Variants in HSF4 observed in about 807,000 individuals in gnomAD.
The protein encoded by HSF4 is heat shock transcription factor 4, also known as heat shock factor protein 4.
Under a neutral mutation model 52.0 loss-of-function variants are expected in HSF4, and 41 were observed. The ratio of observed to expected loss-of-function variants is 0.79; its 90% CI spans 0.61 to 1.02. The LOEUF is 1.02. Among genes scored for constraint, HSF4 ranks in the 50% least tolerant of loss-of-function variants. The pLI is 0.00. For missense variants in HSF4, 610 were observed against 651.1 expected, an observed-to-expected ratio of 0.94 and a Z score of 0.69; for synonymous variants, 285 against 273.0, an observed-to-expected ratio of 1.04 and a Z score of -0.43.
rs750531128 is a variant in HSF4, at chr16:67,165,495, A to C, written c.124-27A>C. On this transcript the variant is annotated intron_variant, in intron 1 of 12. Transcript: ENST00000521374. This position sits in a 1 kb window ranked among gnomAD's most constrained non-coding sequence, Gnocchi z 6.9. Reference sequence around the variant, plus strand: ...GCTCACCCTCCTGGTCTCCGCCCGCACGGTGGGCGGGCGGCGTTCTTGGTA... The same window carrying C: ...GCTCACCCTCCTGGTCTCCGCCCGCCCGGTGGGCGGGCGGCGTTCTTGGTA... 1 of 1,594,888 alleles carries C rather than the reference A, an allele frequency of 6.3e-7. No individual in the cohort carries two copies. Among genetic ancestry groups the C allele is most frequent in the South Asian group, 1.1e-5 (1 of 90,746 alleles).
At position 67,165,563 on chromosome 16, in the gene HSF4, C is replaced by A; in HGVS notation, c.165C>A (p.Ala55=). 1 of 1,613,324 alleles carries A rather than the reference C, an allele frequency of 6.2e-7. No homozygotes were observed. The highest frequency in any genetic ancestry group is 8.5e-7 in the Non-Finnish European group (1 of 1,179,924). ...SFLVSDQSRF[A]KEVLPQYFKH... The stretch of plus-strand genomic sequence containing the variant: ...TCGTAAGCGACCAGAGCCGTTTCGC[C>A]AAGGAAGTGCTGCCCCAGTATTTCA... The change falls in exon 2 of 13, where the codon GCC becomes GCA. Residue 55 remains alanine, a synonymous_variant. Coordinates refer to ENST00000521374, the MANE Select transcript of HSF4 (RefSeq NM_001374675.1). The surrounding 1 kb of genome is among the most constrained non-coding windows in gnomAD (Gnocchi z 6.9).
chr16:67,165,370 T>G lies in HSF4; in HGVS notation c.124-152T>G. 1 of 729,952 alleles carries G rather than the reference T, an allele frequency of 1.4e-6. No homozygotes were observed. Among genetic ancestry groups the G allele is most frequent in the East Asian group, 2.7e-5 (1 of 37,548 alleles). The allele number at this position is 729,952 out of a possible 1,614,324, so 45.2% of individuals were successfully genotyped here. On this transcript the variant is annotated intron_variant, in intron 1 of 12. Coordinates refer to ENST00000521374, the MANE Select transcript of HSF4 (RefSeq NM_001374675.1). This position sits in a 1 kb window ranked among gnomAD's most constrained non-coding sequence, Gnocchi z 6.9. ...CTAGGCCTCGGAGCCCGTTCTGGCC[T>G]GGCCTCGACCCATATCCCCGTAAGC...
chr16:67,164,922 C>T lies in HSF4; in HGVS notation c.111C>T (p.Ile37=). ...GGGACCCAGGCACAGACCACCTGATCCGCTGGAGCCCGGTGAGGGCCGGGG... is the reference window on the plus strand; with the variant it reads ...GGGACCCAGGCACAGACCACCTGATTCGCTGGAGCCCGGTGAGGGCCGGGG... The part of the protein sequence containing the change: ...LVGDPGTDHL[I]RWSPSGTSFL... Residue 37 remains isoleucine (I), a synonymous_variant, in exon 1 of 13, where the codon ATC becomes ATT. Coordinates refer to ENST00000521374, the MANE Select transcript of HSF4 (RefSeq NM_001374675.1). The T allele has an allele frequency of 6.2e-7, 1 of 1,606,438 alleles. No individual in the cohort carries two copies. The highest frequency in any genetic ancestry group is 8.5e-7 in the Non-Finnish European group (1 of 1,178,600).
intron 9 of HSF4, among the ~76,000 whole-genome samples, chr16:67,168,498 AAGAGAG>A (rs370083477): frequency 2.0e-5 from 3 of 150,964 alleles, no homozygotes; most frequent in African/African-American, 4.9e-5. Flanking sequence ...GAAAGAAGGA[AAGAGAG>A]AGAGAGAGAG....
In HSF4 at chr16:67,165,966, C is replaced by G. The variant is rs2031250693; in HGVS notation, c.381C>G (p.Asp127Glu). ...VRRKVPALRG[D>E]DGRWRPEDLG... The stretch of plus-strand genomic sequence containing the variant: ...TGCAGGTGCCCGCGCTGCGCGGCGA[C>G]GACGGCCGCTGGCGCCCGGAGGACC... The change falls in exon 4 of 13, where the codon GAC becomes GAG. Residue 127 changes from aspartate to glutamate, a missense_variant. Transcript: ENST00000521374. The surrounding 1 kb of genome is among the most constrained non-coding windows in gnomAD (Gnocchi z 6.9). 1.9e-6 allele frequency: 3 copies of G among 1,563,260 alleles called. No individual in the cohort carries two copies. The African/African-American group carries it at 4.1e-5, about 21-fold the overall frequency.
In HSF4 at chr16:67,168,944, C is replaced by A; in HGVS notation, c.1188+8C>A. ...CCTGCAGGGCCTCTAGATGTGAGTA[C>A]CCCTTCTGCTGAAACAGGGGCATGA... On this transcript the variant is annotated splice_region_variant and intron_variant, in intron 10 of 12. Coordinates refer to ENST00000521374, the MANE Select transcript of HSF4 (RefSeq NM_001374675.1). 6.2e-7 allele frequency: 1 copy of A among 1,613,352 alleles called. No homozygotes were observed. Among genetic ancestry groups the A allele is most frequent in the Non-Finnish European group, 8.5e-7 (1 of 1,179,376 alleles).
At chr16:67,166,157 C>T (rs959920230) in intron 4 of HSF4, 87 bp downstream of exon 4, 10 of 1,434,926 alleles carry the variant, frequency 7.0e-6, no homozygotes, top group East Asian at 5.0e-5. Context: ...CTGGGCAGCC[C>T]CTTCCTCTCT....
chr16:67,164,804 A>G lies in HSF4; in HGVS notation c.-8A>G, dbSNP rs2031119251. The G allele has an allele frequency of 1.3e-6, 2 of 1,596,482 alleles. No homozygotes were observed. The highest frequency in any genetic ancestry group is 4.5e-5 in the East Asian group (2 of 44,674). On this transcript the variant is annotated 5_prime_UTR_variant, in exon 1 of 13. Transcript: ENST00000521374. ...GGCCCGAGCGCAGAGCCGGGCCGAG[A>G]CTGCACCATGCAGGAAGCGCCAGCT...
chr16:67,168,004 C>CACAAAGCTTCCTAGCCA, intron 9 of HSF4, 57 bp downstream of exon 9: 1 of 1,353,528 alleles, frequency 7.4e-7, no homozygotes, highest in Non-Finnish European at 1.0e-6. Flanking sequence ...CTTACCAGCC[C>CACAAAGCTTCCTAGCCA]ACAAAGCTTC....
In HSF4 at chr16:67,164,808, C is replaced by T; in HGVS notation, c.-4C>T. On this transcript the variant is annotated 5_prime_UTR_variant, in exon 1 of 13. Coordinates refer to ENST00000521374, the MANE Select transcript of HSF4 (RefSeq NM_001374675.1). ...CGAGCGCAGAGCCGGGCCGAGACTG[C>T]ACCATGCAGGAAGCGCCAGCTGCGC... 6.3e-7 allele frequency: 1 copy of T among 1,597,628 alleles called. No homozygotes were observed. The highest frequency in any genetic ancestry group is 1.1e-5 in the South Asian group (1 of 90,426).
chr16:67,163,785 G>C (rs147591659), upstream of HSF4: 43 of 1,567,916 alleles, frequency 2.7e-5, 1 homozygote, highest in African/African-American at 5.0e-4. Flanking sequence ...GCTCACGCGC[G>C]AGCCGCATCC....
In HSF4 at chr16:67,169,382, G is replaced by A. The variant is rs765868280; in HGVS notation, c.1324+34G>A. On this transcript the variant is annotated intron_variant, in intron 12 of 12. Coordinates refer to ENST00000521374, the MANE Select transcript of HSF4 (RefSeq NM_001374675.1). This position sits in a 1 kb window ranked among gnomAD's most constrained non-coding sequence, Gnocchi z 4.3. ...TGTGATGACTCCTACCTGGGAGGAC[G>A]CCGTGATTGGGCTGAGCTACCTTGA... 10 of 1,602,618 alleles carry A rather than the reference G, an allele frequency of 6.2e-6. No homozygotes were observed. Among genetic ancestry groups the A allele is most frequent in the South Asian group, 1.1e-5 (1 of 89,538 alleles).
rs945143094 is a variant in HSF4, at chr16:67,169,590, G to C, written c.1325-41G>C. ...GCTCTCCTTCCCTGAAGAAAGGAGG[G>C]GGAACATTTCCCCTGGTGAGCGCAG... On this transcript the variant is annotated intron_variant, in intron 12 of 12. Transcript: ENST00000521374. The surrounding 1 kb of genome is among the most constrained non-coding windows in gnomAD (Gnocchi z 4.3). 41 of 1,601,278 alleles carry C rather than the reference G, an allele frequency of 2.6e-5. No homozygotes were observed. Among genetic ancestry groups the C allele is most frequent in the Non-Finnish European group, 3.2e-5 (38 of 1,179,842 alleles).
Position 67,168,945 on chromosome 16 carries a change from C to T in HSF4, c.1188+9C>T. On this transcript the variant is annotated intron_variant, in intron 10 of 12. Coordinates refer to ENST00000521374, the MANE Select transcript of HSF4 (RefSeq NM_001374675.1). Reference sequence around the variant, plus strand: ...CTGCAGGGCCTCTAGATGTGAGTACCCCTTCTGCTGAAACAGGGGCATGAG... The same window carrying T: ...CTGCAGGGCCTCTAGATGTGAGTACTCCTTCTGCTGAAACAGGGGCATGAG... 3 of 1,613,518 alleles carry T rather than the reference C, an allele frequency of 1.9e-6. No individual in the cohort carries two copies.
At chr16:67,166,177 G>A in intron 4 of HSF4, 107 bp downstream of exon 4, 2 of 1,400,296 alleles carry the variant, frequency 1.4e-6, no homozygotes, top group Non-Finnish European at 2.0e-6. Context: ...TCCTGCCTTG[G>A]CGCCTCCATC....
Position 67,166,634 on chromosome 16 carries a change from A to G in HSF4, c.626+12A>G, listed in dbSNP as rs1211880124. The G allele has an allele frequency of 3.1e-6, 5 of 1,613,130 alleles. No homozygotes were observed. In the South Asian group the frequency reaches 5.5e-5, roughly 18 times the overall value. On this transcript the variant is annotated intron_variant, in intron 6 of 12. Coordinates refer to ENST00000521374, the MANE Select transcript of HSF4 (RefSeq NM_001374675.1). Reference sequence around the variant, plus strand: ...GGCAAGAGAAAGCTGTGAGTGAGAAAGCCAAGAAGGCCCACACCCACTTCC... The same window carrying G: ...GGCAAGAGAAAGCTGTGAGTGAGAAGGCCAAGAAGGCCCACACCCACTTCC...
At position 67,167,493 on chromosome 16, in the gene HSF4, T is replaced by G; in HGVS notation, c.748T>G (p.Leu250Val). Residue 250 changes from leucine (L) to valine (V), a missense_variant, in exon 8 of 13, where the codon TTG becomes GTG. Leu to Val is a conservative substitution (Grantham distance 32). Transcript: ENST00000521374. ...CTTACAGCCTCTCCCAGAGACAAAT[T>G]TGGGCCTTAGCCCTCACAGGGCCAG... ...FIQSPLPETN[L>V]GLSPHRARGP... The G allele has an allele frequency of 6.2e-7, 1 of 1,613,804 alleles. No individual in the cohort carries two copies. The highest frequency in any genetic ancestry group is 8.5e-7 in the Non-Finnish European group (1 of 1,180,024).
rs562617923 is a variant in HSF4, at chr16:67,168,852, C to A, written c.1104C>A (p.Ser368Arg). The A allele has an allele frequency of 6.2e-7, 1 of 1,613,846 alleles. No homozygotes were observed. The highest frequency in any genetic ancestry group is 1.1e-5 in the South Asian group (1 of 91,078). Residue 368 changes from serine to arginine, a missense_variant, in exon 10 of 13, where the codon AGC (serine) becomes AGA (arginine). Coordinates refer to ENST00000521374, the MANE Select transcript of HSF4 (RefSeq NM_001374675.1). ...IPDRGPLGLE[S>R]GDRSPESLLP... The stretch of plus-strand genomic sequence containing the variant: ...ACAGGGGGCCTCTGGGCCTGGAAAG[C>A]GGGGACAGGAGCCCAGAGAGTCTGC...
chr16:67,164,772 G>GCACTTTC lies in HSF4; in HGVS notation c.-39_-38insACTTTCC, dbSNP rs2031114377. ...TTTCCGCGGCTTTGACGAGCCCGCA[G>GCACTTTC]CGGCCGGGCCCGAGCGCAGAGCCGG... On this transcript the variant is annotated 5_prime_UTR_variant, in exon 1 of 13. Transcript: ENST00000521374. 1.3e-6 allele frequency: 2 copies of GCACTTTC among 1,563,882 alleles called. No individual in the cohort carries two copies. The highest frequency in any genetic ancestry group is 1.7e-6 in the Non-Finnish European group (2 of 1,164,604).
Sources: allele counts gnomAD v4.1 joint callset (sites outside exome capture counted in the v4.1 genomes callset), GRCh38; gene constraint gnomAD v4.1.1; non-coding constraint Gnocchi (gnomAD v3.1); transcripts MANE v1.5; gene names NCBI Gene and HGNC (gene_info 2026-07-23, HGNC 2026-07-21).